NCKAP5: variants seen among roughly 807,000 people sequenced by gnomAD.
The protein encoded by NCKAP5 is nck-associated protein 5.
A neutral mutation model predicts 167.0 loss-of-function variants in NCKAP5; 92 were observed. The ratio of observed to expected loss-of-function variants is 0.55; its 90% confidence interval spans 0.47 to 0.66. The LOEUF (loss-of-function observed/expected upper bound fraction) is 0.66. NCKAP5 is among the 30% of genes least tolerant of loss of function. The pLI is 0.00. For synonymous variants in NCKAP5, 891 were observed against 877.4 expected, an observed-to-expected ratio of 1.02 and a Z score of -0.27; for missense variants, 2,378 against 2,315.0, an observed-to-expected ratio of 1.03 and a Z score of -0.56.
intron 5 of NCKAP5, among the ~76,000 whole-genome samples, chr2:133,174,618 C>G (rs1468183637): frequency 6.6e-6 from 1 of 151,980 alleles, no homozygotes; most frequent in Admixed American, 6.6e-5. Flanking sequence ...TTTTAGGTTG[C>G]ATTCTGTGTC....
chr2:133,468,000 C>G (rs58346394), intron 3 of NCKAP5, among the ~76,000 whole-genome samples: 1 of 112,888 alleles, frequency 8.9e-6, no homozygotes, highest in Non-Finnish European at 1.8e-5. Flanking sequence ...TTTTTTGTGT[C>G]TCTATTTCCT....
intron 4 of NCKAP5, among the ~76,000 whole-genome samples, chr2:133,293,791 C>G (rs1679764591): frequency 6.6e-6 from 1 of 152,124 alleles, no homozygotes; most frequent in East Asian, 1.9e-4. Flanking sequence ...CTTATCCTGG[C>G]AGGGGTCTGG....
intron 13 of NCKAP5, among the ~76,000 whole-genome samples, chr2:132,789,559 C>A (rs72847216): frequency 5.9e-5 from 9 of 152,032 alleles, no homozygotes; most frequent in African/African-American, 1.9e-4. Context: ...TACTCTGATC[C>A]GGGGTTTCTA....
At chr2:132,837,605 A>G (rs965209642) in intron 11 of NCKAP5, among the ~76,000 whole-genome samples, 5 of 151,292 alleles carry the variant, frequency 3.3e-5, no homozygotes, top group Admixed American at 6.6e-5. Flanking sequence ...TCTTCTGTTC[A>G]CTGAGTTGTT....
At chr2:132,811,301 G>C (rs1321155633) in intron 11 of NCKAP5, among the ~76,000 whole-genome samples, 1 of 152,096 alleles carries the variant, frequency 6.6e-6, no homozygotes, top group Non-Finnish European at 1.5e-5. Context: ...TGTGGAAAGG[G>C]ACCAGCTGTG....
At chr2:133,360,162 A>G (rs1685003885) in intron 3 of NCKAP5, among the ~76,000 whole-genome samples, 1 of 152,186 alleles carries the variant, frequency 6.6e-6, no homozygotes, top group African/African-American at 2.4e-5. Context: ...CAGGATCATG[A>G]TTGATTTTTA....
chr2:133,445,861 AC>A (rs1444410402), intron 3 of NCKAP5, among the ~76,000 whole-genome samples: 1 of 152,216 alleles, frequency 6.6e-6, no homozygotes, highest in Non-Finnish European at 1.5e-5. Flanking sequence ...AACAACAGCA[AC>A]AAAAAATTAG....
intron 5 of NCKAP5, among the ~76,000 whole-genome samples, chr2:133,211,914 C>G (rs2086226739): frequency 6.6e-6 from 1 of 152,150 alleles, no homozygotes; most frequent in Non-Finnish European, 1.5e-5. Context: ...AAAGACTAGA[C>G]AGCTGTCTGA....
chr2:133,002,436 T>G (rs2149335793), intron 6 of NCKAP5, among the ~76,000 whole-genome samples: 1 of 152,342 alleles, frequency 6.6e-6, no homozygotes, highest in Middle Eastern at 3.4e-3. Flanking sequence ...TCCCTCTCTC[T>G]CAAAATATCT....
intron 19 of NCKAP5, among the ~76,000 whole-genome samples, chr2:132,704,766 T>C (rs967266697): frequency 6.6e-6 from 1 of 152,214 alleles, no homozygotes; most frequent in African/African-American, 2.4e-5. Flanking sequence ...TCTCTCTGTG[T>C]ACCACTAACA....
chr2:133,313,749 T>C (rs1205739612), intron 3 of NCKAP5, among the ~76,000 whole-genome samples: 1 of 152,136 alleles, frequency 6.6e-6, no homozygotes, highest in African/African-American at 2.4e-5. Flanking sequence ...ATTGTGTATG[T>C]TTTTAAAAAG....
intron 3 of NCKAP5, among the ~76,000 whole-genome samples, chr2:133,434,074 CA>C (rs1188525469): frequency 2.6e-5 from 4 of 152,030 alleles, no homozygotes; most frequent in African/African-American, 9.7e-5. Flanking sequence ...CTCATTGTTC[CA>C]GACACTCATT....
intron 4 of NCKAP5, among the ~76,000 whole-genome samples, chr2:133,232,109 G>C (rs2087179226): frequency 6.6e-6 from 1 of 152,058 alleles, no homozygotes; most frequent in South Asian, 2.1e-4. Context: ...AAAGACAAAA[G>C]AGAAAACAAA....
chr2:133,474,154 A>ATCTATCTATCTATCTATCTATC (rs369130877), intron 3 of NCKAP5, among the ~76,000 whole-genome samples: 3 of 135,286 alleles, frequency 2.2e-5, no homozygotes, highest in African/African-American at 1.1e-4. Flanking sequence ...CTATCTATCT[A>ATCTATCTATCTATCTATCTATC]TACACACACA....
At chr2:133,082,029 C>T (rs1022853063) in intron 6 of NCKAP5, among the ~76,000 whole-genome samples, 1 of 152,054 alleles carries the variant, frequency 6.6e-6, no homozygotes, top group East Asian at 1.9e-4. Context: ...GATCCTCTCC[C>T]TCCTCCCACC....
intron 3 of NCKAP5, among the ~76,000 whole-genome samples, chr2:133,429,447 C>T (rs1415944499): frequency 1.3e-5 from 2 of 151,868 alleles, no homozygotes; most frequent in Non-Finnish European, 2.9e-5. Context: ...ACAGTCCTTC[C>T]CCCTCTTCAT....
At chr2:133,362,790 G>C (rs1685199737) in intron 3 of NCKAP5, among the ~76,000 whole-genome samples, 1 of 152,112 alleles carries the variant, frequency 6.6e-6, no homozygotes, top group African/African-American at 2.4e-5. Flanking sequence ...ATCTTGCTCT[G>C]TCGCCCAGGC....
intron 3 of NCKAP5, among the ~76,000 whole-genome samples, chr2:133,456,339 A>C (rs1429518503): frequency 6.6e-6 from 1 of 152,082 alleles, no homozygotes; most frequent in Non-Finnish European, 1.5e-5. Context: ...AAATTCTCTA[A>C]AGGTGCCTGA....
At chr2:133,674,338 T>C in the NCKAP5 span, among the ~76,000 whole-genome samples, 1 of 152,292 alleles carries the variant, frequency 6.6e-6, no homozygotes, top group East Asian at 1.9e-4. Context: ...ATCAGGCATG[T>C]ACATCATAAC....
Sources: allele counts gnomAD v4.1 joint callset (sites outside exome capture counted in the v4.1 genomes callset), GRCh38; gene constraint gnomAD v4.1.1; transcripts MANE v1.5; gene names NCBI Gene and HGNC (gene_info 2026-07-23, HGNC 2026-07-21).